SMARCC1: variants seen among roughly 807,000 people sequenced by gnomAD.
SMARCC1 encodes the protein SWI/SNF complex subunit SMARCC1.
Under a neutral mutation model 147.4 loss-of-function variants are expected in SMARCC1, and 43 were observed. The ratio of observed to expected loss-of-function variants is 0.29; its 90% CI spans 0.23 to 0.38. SMARCC1 has a LOEUF of 0.38. SMARCC1 is among the 10% of genes least tolerant of loss of function. SMARCC1 has a pLI of 1.00. For synonymous variants in SMARCC1, 495 were observed against 484.4 expected (o/e 1.02, Z -0.29); for missense variants, 1,119 against 1,381.1 (o/e 0.81, Z 3.01).
At chr3:47,754,752 A>AC (rs1350619290) in intron 2 of SMARCC1, among the ~76,000 whole-genome samples, 1 of 152,194 alleles carries the variant, frequency 6.6e-6, no homozygotes, top group African/African-American at 2.4e-5. Flanking sequence ...GGTAAAAAAT[A>AC]CAACCCTAGG....
intron 5 of SMARCC1, among the ~76,000 whole-genome samples, chr3:47,731,259 T>C (rs1576424919): frequency 6.6e-6 from 1 of 152,222 alleles, no homozygotes; most frequent in East Asian, 1.9e-4. Context: ...AACTCTTCCA[T>C]CTGTTCAAGT....
In SMARCC1 at chr3:47,590,786, C is replaced by T. The variant is rs201335646; in HGVS notation, c.3095G>A (p.Arg1032His). The T allele has an allele frequency of 5.6e-5, 90 of 1,602,844 alleles. No individual in the cohort carries two copies. In the East Asian group the frequency reaches 8.0e-4, roughly 14 times the overall value. The change falls in exon 27 of 28, where the codon CGC (arginine) becomes CAC (histidine). Residue 1032 changes from arginine (R) to histidine (H), a missense_variant. Around this residue, in one of 6 missense-constraint regions of SMARCC1, gnomAD observed 186 missense variants for 216.5 expected, o/e 0.86. Transcript: ENST00000254480. ...SMMPGQHMPG[R>H]MIPTVAANIH... ...GTTGGCTGCAACAGTGGGAATCATG[C>T]GGCCTGGCATGTGCTGCCCGGGCAT...
At chr3:47,742,826 G>A (rs931146406) in intron 3 of SMARCC1, among the ~76,000 whole-genome samples, 1 of 152,118 alleles carries the variant, frequency 6.6e-6, no homozygotes, top group South Asian at 2.1e-4. Flanking sequence ...CAAGCAATCC[G>A]CTGACCTCAG....
chr3:47,675,861 C>T (rs972779471), intron 17 of SMARCC1, among the ~76,000 whole-genome samples: 2 of 151,562 alleles, frequency 1.3e-5, no homozygotes, highest in African/African-American at 4.9e-5. Context: ...AGTAGAATTG[C>T]TTATAACCCA....
rs551085203 is a variant in SMARCC1, at chr3:47,590,667, C to T, written c.3214G>A (p.Gly1072Ser). The T allele has an allele frequency of 3.3e-5, 51 of 1,533,040 alleles. 1 individual carries two copies. In the South Asian group the frequency reaches 4.6e-4, roughly 14 times the overall value. 95.0% of individuals were successfully genotyped at this position (1,533,040 alleles called of 1,614,324 possible). A position where few individuals can be genotyped will look rare whatever the true frequency, so the allele number is the denominator to read the frequency against. The change falls in exon 27 of 28, where the codon GGC (glycine) becomes AGC (serine). Residue 1072 changes from glycine (G) to serine (S), a missense_variant. Transcript: ENST00000254480. Reference protein sequence around the residue: ...GPRVPLTAPNGMYPPPPQQQP... With the variant: ...GPRVPLTAPNSMYPPPPQQQP... ...CCCCCTCCATGTTACTTACACATGC[C>T]GTTAGGTGCTGTCAGGGGTACCCGG...
intron 22 of SMARCC1, among the ~76,000 whole-genome samples, chr3:47,636,694 G>T (rs1576394834): frequency 6.6e-6 from 1 of 152,146 alleles, no homozygotes; most frequent in East Asian, 1.9e-4. Context: ...GGCAGAGATT[G>T]CAGTGACCCA....
At chr3:47,599,598 G>A (rs2032353525) in intron 26 of SMARCC1, among the ~76,000 whole-genome samples, 1 of 152,168 alleles carries the variant, frequency 6.6e-6, no homozygotes, top group South Asian at 2.1e-4. Flanking sequence ...GCTCAGATCT[G>A]ATACAGGTAC....
At chr3:47,670,099 AG>A (rs1218075419) in intron 19 of SMARCC1, among the ~76,000 whole-genome samples, 2 of 152,240 alleles carry the variant, frequency 1.3e-5, no homozygotes, top group African/African-American at 4.8e-5. Flanking sequence ...ATTAGGAATT[AG>A]CTTCACTTAA....
At chr3:47,601,951 C>A (rs994981351) in intron 26 of SMARCC1, 2 of 152,390 alleles carry the variant, frequency 1.3e-5, no homozygotes, top group African/African-American at 4.8e-5. Flanking sequence ...CCACCCACCT[C>A]GGCTTCCCAA....
intron 24 of SMARCC1, among the ~76,000 whole-genome samples, chr3:47,626,422 AGGTGTGAGCCACCGTGCCT>A (rs1325304822): frequency 1.3e-5 from 2 of 149,630 alleles, no homozygotes; most frequent in African/African-American, 4.9e-5. Context: ...ATGGGATTAC[AGGTGTGAGCCACCGTGCCT>A]GGTGAGACCC....
In SMARCC1 at chr3:47,680,030, C is replaced by T. The variant is rs141475315; in HGVS notation, c.1457+407G>A. Among the ~76,000 whole-genome samples, 3 of 152,044 alleles carry T rather than the reference C, an allele frequency of 2.0e-5. No homozygotes were observed. The East Asian group carries it at 5.8e-4, about 29-fold the overall frequency. On this transcript the variant is annotated intron_variant, in intron 15 of 27. Coordinates refer to ENST00000254480, the MANE Select transcript of SMARCC1 (RefSeq NM_003074.4). ...ACTCTAGGCAACATGGTGAAACCCC[C>T]GTCTCCACCAAAAAATAAACAGATA... is the stretch of plus-strand genomic sequence containing the variant.
rs9835477 is a variant in SMARCC1, at chr3:47,587,797, T to G, written c.*412A>C. ...AGGATGCTCTCCTTTAAAACAATAA[T>G]AACAGAAAGATAAAAAGATAATGAT... On this transcript the variant is annotated 3_prime_UTR_variant, in exon 28 of 28. Transcript: ENST00000254480. 4.3e-3 allele frequency: 700 copies of G among 162,416 alleles called. 6 individuals carry two copies. The highest frequency in any genetic ancestry group is 0.03 in the South Asian group (172 of 5,712). 10.1% of individuals were successfully genotyped at this position (162,416 alleles called of 1,614,324 possible).
At chr3:47,616,287 C>A (rs2032644478) in intron 25 of SMARCC1, among the ~76,000 whole-genome samples, 2 of 152,178 alleles carry the variant, frequency 1.3e-5, no homozygotes, top group African/African-American at 4.8e-5. Flanking sequence ...CCACTGGCAG[C>A]TCAACACCCT....
intron 2 of SMARCC1, chr3:47,746,231 T>C (rs2034562589): frequency 2.9e-6 from 1 of 344,332 alleles, no homozygotes. Flanking sequence ...GGAGGATCAC[T>C]TAAGCCCAGG....
At chr3:47,660,582 G>A (rs1484593842) in intron 21 of SMARCC1, among the ~76,000 whole-genome samples, 4 of 152,026 alleles carry the variant, frequency 2.6e-5, no homozygotes, top group Non-Finnish European at 5.9e-5. Flanking sequence ...CTACAGCATG[G>A]AAGAACCTTG....
At chr3:47,652,919 G>A (rs768947104) in intron 21 of SMARCC1, among the ~76,000 whole-genome samples, 3 of 150,350 alleles carry the variant, frequency 2.0e-5, no homozygotes, top group Non-Finnish European at 4.4e-5. Context: ...AATGTAAGAG[G>A]TGTTTTGAGT....
intron 2 of SMARCC1, among the ~76,000 whole-genome samples, chr3:47,752,643 A>T (rs2034641695): frequency 6.6e-6 from 1 of 152,094 alleles, no homozygotes; most frequent in South Asian, 2.1e-4. Flanking sequence ...AATTAAAATA[A>T]AATTAGCCCG....
intron 27 of SMARCC1, 89 bp downstream of exon 27, chr3:47,590,572 T>A (rs2032160448): frequency 8.4e-7 from 1 of 1,186,708 alleles, no homozygotes; most frequent in Non-Finnish European, 1.1e-6. Flanking sequence ...ACCTGCCAAA[T>A]CTCGGGGAGA....
chr3:47,615,786 T>G (rs892622583), intron 25 of SMARCC1, among the ~76,000 whole-genome samples: 5 of 152,156 alleles, frequency 3.3e-5, no homozygotes, highest in African/African-American at 1.2e-4. Flanking sequence ...TGGGTTCAAG[T>G]GATTCTCCTG....
Sources: allele counts gnomAD v4.1 joint callset (sites outside exome capture counted in the v4.1 genomes callset), GRCh38; gene constraint gnomAD v4.1.1; regional missense constraint gnomAD v4.1.1; transcripts MANE v1.5; gene names NCBI Gene and HGNC (gene_info 2026-07-23, HGNC 2026-07-21).